Variants in GSG1L observed in about 807,000 individuals in gnomAD.
GSG1L encodes GSG1 like.
GSG1L carries 24 observed loss-of-function variants against 42.1 expected under a neutral mutation model. The ratio of observed to expected loss-of-function variants is 0.57; its 90% CI spans 0.41 to 0.80. The LOEUF is 0.80. Among genes scored for constraint, GSG1L ranks in the 30% least tolerant of loss-of-function variants. GSG1L has a pLI of 0.00. For missense variants in GSG1L, 445 were observed against 472.2 expected (o/e 0.94, Z 0.53); for synonymous variants, 215 against 203.5 (o/e 1.06, Z -0.48).
At chr16:27,979,185 A>G (rs74396996) in intron 1 of GSG1L, among the ~76,000 whole-genome samples, 30,184 of 151,956 alleles carry the variant, frequency 0.2, 3,173 homozygotes, top group East Asian at 0.41. Context: ...ATGGTGGCTC[A>G]TGCTTGTAGT....
chr16:27,873,162 T>C (rs966105603), intron 3 of GSG1L, among the ~76,000 whole-genome samples: 13 of 152,286 alleles, frequency 8.5e-5, no homozygotes, highest in African/African-American at 2.4e-4. Context: ...ATGTGAGCTA[T>C]TGGTGCTATG....
intron 6 of GSG1L, among the ~76,000 whole-genome samples, chr16:27,802,653 G>GT (rs1263291609): frequency 6.6e-6 from 1 of 151,944 alleles, no homozygotes; most frequent in Non-Finnish European, 1.5e-5. Context: ...TTGTGTCACT[G>GT]TGTCTCCCTA....
intron 1 of GSG1L, among the ~76,000 whole-genome samples, chr16:27,971,035 T>G (rs958002923): frequency 6.6e-6 from 1 of 152,210 alleles, no homozygotes; most frequent in Non-Finnish European, 1.5e-5. Flanking sequence ...TACTACACTA[T>G]CTTGATTACT....
At chr16:27,903,977 C>A (rs567069202) in intron 2 of GSG1L, among the ~76,000 whole-genome samples, 1 of 152,222 alleles carries the variant, frequency 6.6e-6, no homozygotes, top group Admixed American at 6.5e-5. Flanking sequence ...GCACCCTGGC[C>A]CACTTGCTGT....
intron 1 of GSG1L, among the ~76,000 whole-genome samples, chr16:28,034,533 T>C (rs1244760527): frequency 6.6e-6 from 1 of 152,194 alleles, no homozygotes; most frequent in Non-Finnish European, 1.5e-5. Context: ...CTTCCCATTG[T>C]TCTTCTATCT....
chr16:27,794,123 T>A (rs1307893128), intron 6 of GSG1L, among the ~76,000 whole-genome samples: 2 of 152,214 alleles, frequency 1.3e-5, no homozygotes, highest in Non-Finnish European at 2.9e-5. Context: ...TAAACAATCC[T>A]CTTGCCTCAG....
At chr16:28,004,133 TG>T (rs1211748373) in intron 1 of GSG1L, among the ~76,000 whole-genome samples, 1 of 151,106 alleles carries the variant, frequency 6.6e-6, no homozygotes, top group African/African-American at 2.4e-5. Flanking sequence ...GGGTGGTGAG[TG>T]GGGGCTGAGT....
intron 4 of GSG1L, among the ~76,000 whole-genome samples, chr16:27,837,830 G>C (rs1010621846): frequency 1.5e-4 from 22 of 151,058 alleles, no homozygotes; most frequent in African/African-American, 5.3e-4. Flanking sequence ...CCTTTGGCTA[G>C]AGAAAGCGGA....
Position 27,884,381 on chromosome 16 carries a change from G to A in GSG1L, c.550+105C>T, listed in dbSNP as rs1344807671. 9.5e-7 allele frequency: 1 copy of A among 1,047,788 alleles called. No homozygotes were observed. The highest frequency in any genetic ancestry group is 1.7e-5 in the South Asian group (1 of 57,564). 64.9% of individuals were successfully genotyped at this position (1,047,788 alleles called of 1,614,324 possible). On this transcript the variant is annotated intron_variant, in intron 3 of 6. Transcript: ENST00000447459. The surrounding 1 kb of genome is among the most constrained non-coding windows in gnomAD (Gnocchi z 4.4). ...TAAAACTGAGGCTCACAGAAGAGAAGCAATTTGTCCAATGCCTCCCGGTTG... is the reference window on the plus strand; with the variant it reads ...TAAAACTGAGGCTCACAGAAGAGAAACAATTTGTCCAATGCCTCCCGGTTG...
At chr16:27,934,104 A>G (rs2084687244) in intron 2 of GSG1L, among the ~76,000 whole-genome samples, 12 of 152,220 alleles carry the variant, frequency 7.9e-5, no homozygotes, top group Admixed American at 7.9e-4. Context: ...GGCGGGGCAG[A>G]ACAACCTTCC....
chr16:28,001,576 C>T (rs1420754227), intron 1 of GSG1L, among the ~76,000 whole-genome samples: 1 of 152,212 alleles, frequency 6.6e-6, no homozygotes, highest in Non-Finnish European at 1.5e-5. Flanking sequence ...ATCGTCTCCT[C>T]CACCAGCTTA....
intron 3 of GSG1L, among the ~76,000 whole-genome samples, chr16:27,847,436 A>T (rs2083456270): frequency 6.6e-6 from 1 of 152,210 alleles, no homozygotes; most frequent in South Asian, 2.1e-4. Context: ...GCCCTGTGCT[A>T]GTCCAAACTG....
intron 3 of GSG1L, among the ~76,000 whole-genome samples, chr16:27,872,635 G>A (rs1315487357): frequency 6.6e-6 from 1 of 152,274 alleles, no homozygotes; most frequent in African/African-American, 2.4e-5. Context: ...GATAAAACAG[G>A]TTGCGGTAAA....
At chr16:27,841,620 C>A (rs1051952394) in intron 4 of GSG1L, among the ~76,000 whole-genome samples, 3 of 152,156 alleles carry the variant, frequency 2.0e-5, no homozygotes, top group Non-Finnish European at 4.4e-5. Context: ...CATGGTGCAG[C>A]CCTGGCGAGG....
intron 4 of GSG1L, among the ~76,000 whole-genome samples, chr16:27,841,612 T>C (rs1365521606): frequency 6.6e-6 from 1 of 152,156 alleles, no homozygotes; most frequent in East Asian, 1.9e-4. Context: ...AGAGATGACA[T>C]GGTGCAGCCC....
intron 1 of GSG1L, among the ~76,000 whole-genome samples, chr16:27,995,587 T>C (rs749621838): frequency 1.4e-4 from 21 of 152,110 alleles, no homozygotes; most frequent in Non-Finnish European, 1.9e-4. Context: ...TTCTATCCCC[T>C]TTCCCTGCAA....
chr16:27,993,961 G>A (rs963661764), intron 1 of GSG1L, among the ~76,000 whole-genome samples: 2 of 152,152 alleles, frequency 1.3e-5, no homozygotes, highest in African/African-American at 4.8e-5. Context: ...AGACACCCAG[G>A]CCTCATCCAT....
intron 2 of GSG1L, among the ~76,000 whole-genome samples, chr16:27,901,592 C>T (rs1326125768): frequency 6.6e-6 from 1 of 152,232 alleles, no homozygotes; most frequent in African/African-American, 2.4e-5. Context: ...GGGCTGGCCC[C>T]TGTGGAATCT....
intron 3 of GSG1L, among the ~76,000 whole-genome samples, chr16:27,861,852 G>C (rs977260374): frequency 3.9e-5 from 6 of 152,178 alleles, no homozygotes; most frequent in Non-Finnish European, 8.8e-5. Context: ...AAGGGTGACT[G>C]TGGCAATTTG....
Sources: allele counts gnomAD v4.1 joint callset (sites outside exome capture counted in the v4.1 genomes callset), GRCh38; gene constraint gnomAD v4.1.1; non-coding constraint Gnocchi (gnomAD v3.1); transcripts MANE v1.5; gene names NCBI Gene and HGNC (gene_info 2026-07-23, HGNC 2026-07-21).